Variants in AGBL3 observed in about 807,000 individuals in gnomAD.
AGBL3 encodes AGBL carboxypeptidase 3.
In AGBL3, 68 loss-of-function variants were observed where a neutral mutation model predicts 94.5. That is an observed-to-expected ratio of 0.72 (90% CI 0.59 to 0.88). The LOEUF (loss-of-function observed/expected upper bound fraction) is 0.88. AGBL3 is among the 40% of genes least tolerant of loss of function. The probability of loss-of-function intolerance (pLI) is 0.00; values close to 1 mark genes in which losing one functional copy is unlikely to be tolerated. For synonymous variants in AGBL3, 354 were observed against 370.7 expected, an observed-to-expected ratio of 0.95 and a Z score of 0.52; for missense variants, 934 against 1,103.8, an observed-to-expected ratio of 0.85 and a Z score of 2.18.
intron 12 of AGBL3, among the ~76,000 whole-genome samples, chr7:135,060,943 T>C (rs1437452204): frequency 6.6e-6 from 1 of 152,140 alleles, no homozygotes; most frequent in Non-Finnish European, 1.5e-5. Flanking sequence ...TAGATGATAG[T>C]TCTATTTTTA....
intron 15 of AGBL3, among the ~76,000 whole-genome samples, chr7:135,086,556 T>G (rs977531467): frequency 6.6e-6 from 1 of 152,088 alleles, no homozygotes. Context: ...ATGCTTTTTC[T>G]GCATATATTG....
At chr7:135,050,096 T>G (rs996702740) in intron 11 of AGBL3, among the ~76,000 whole-genome samples, 12 of 151,956 alleles carry the variant, frequency 7.9e-5, no homozygotes, top group African/African-American at 2.9e-4. Flanking sequence ...GTATGTTATG[T>G]TTTCATTTTT....
Position 134,987,948 on chromosome 7 carries a change from A to C in AGBL3, c.15A>C (p.Ser5=). The change falls in exon 2 of 17, where the codon TCA becomes TCC. Residue 5 remains serine, a synonymous_variant. Coordinates refer to ENST00000436302, the MANE Select transcript of AGBL3 (RefSeq NM_178563.4). MSED[S]EKEDYSDRTI... is the part of the protein sequence containing the mutation. ...CACTGGAAAAGATGTCAGAAGATTCAGAAAAGGAAGACTATTCAGACAGAA... is the reference window on the plus strand; with the variant it reads ...CACTGGAAAAGATGTCAGAAGATTCCGAAAAGGAAGACTATTCAGACAGAA... 6.5e-7 allele frequency: 1 copy of C among 1,548,768 alleles called. No homozygotes were observed.
At chr7:135,066,656 T>C (rs1819334502) in intron 12 of AGBL3, among the ~76,000 whole-genome samples, 1 of 152,244 alleles carries the variant, frequency 6.6e-6, no homozygotes, top group Non-Finnish European at 1.5e-5. Flanking sequence ...TAAAGAGATA[T>C]TAGCATTCCC....
intron 4 of AGBL3, among the ~76,000 whole-genome samples, chr7:134,999,437 A>C (rs950357874): frequency 6.6e-6 from 1 of 152,158 alleles, no homozygotes; most frequent in African/African-American, 2.4e-5. Flanking sequence ...CCTCAGAGGG[A>C]GTAAGAGAAA....
intron 5 of AGBL3, among the ~76,000 whole-genome samples, chr7:135,032,468 C>T (rs1815857826): frequency 7.4e-6 from 1 of 135,138 alleles, no homozygotes; most frequent in African/African-American, 2.7e-5. Flanking sequence ...CCACACCTGG[C>T]TAATTTTTTT....
chr7:135,050,135 T>C (rs540151709), intron 11 of AGBL3, among the ~76,000 whole-genome samples: 5 of 151,996 alleles, frequency 3.3e-5, no homozygotes, highest in Non-Finnish European at 7.4e-5. Context: ...TTTCCTTTTT[T>C]ATTTCTACTT....
chr7:135,066,234 A>T (rs1022741151), intron 12 of AGBL3, among the ~76,000 whole-genome samples: 52 of 152,344 alleles, frequency 3.4e-4, no homozygotes, highest in Admixed American at 2.5e-3. Context: ...ATATCTGAAC[A>T]GGGGGTAATC....
intron 15 of AGBL3, among the ~76,000 whole-genome samples, chr7:135,085,353 T>C (rs1030204766): frequency 2.0e-5 from 3 of 152,172 alleles, no homozygotes; most frequent in Non-Finnish European, 4.4e-5. Context: ...TTCAGTTTGA[T>C]AGAATTCCAT....
intron 16 of AGBL3, among the ~76,000 whole-genome samples, chr7:135,122,687 C>G (rs1042795596): frequency 2.0e-5 from 3 of 152,150 alleles, no homozygotes; most frequent in African/African-American, 7.2e-5. Flanking sequence ...GGAGCAGGCA[C>G]CCTTCTTTGC....
Position 135,045,832 on chromosome 7 carries a change from G to T in AGBL3, c.1762G>T (p.Glu588Ter). Reference sequence around the variant, plus strand: ...GTGCCTGAAAGAATTAGAAGAAATGGAAAGACATATAACCCTGGAAAAAGT... The same window carrying T: ...GTGCCTGAAAGAATTAGAAGAAATGTAAAGACATATAACCCTGGAAAAAGT... ...YRCLKELEEMERHITLEKVFE... is the reference protein window; with the variant it reads ...YRCLKELEEM The change falls in exon 11 of 17, where the codon GAA becomes TAA. Residue 588 changes from glutamate (E) to a stop codon, truncating the protein, a stop_gained. Coordinates refer to ENST00000436302, the MANE Select transcript of AGBL3 (RefSeq NM_178563.4). LOFTEE classifies it high-confidence loss of function. The T allele has an allele frequency of 6.4e-7, 1 of 1,550,656 alleles. No individual in the cohort carries two copies. The highest frequency in any genetic ancestry group is 1.2e-5 in the South Asian group (1 of 83,962).
intron 12 of AGBL3, among the ~76,000 whole-genome samples, chr7:135,067,489 C>A (rs546483086): frequency 1.5e-4 from 23 of 152,336 alleles, no homozygotes; most frequent in African/African-American, 4.8e-4. Flanking sequence ...AGGCACCCCC[C>A]AGTAGGGGCA....
intron 5 of AGBL3, among the ~76,000 whole-genome samples, 160 bp from the exon 6 acceptor site, chr7:135,032,684 C>T (rs576575339): frequency 1.3e-5 from 2 of 152,136 alleles, no homozygotes; most frequent in South Asian, 2.1e-4. Flanking sequence ...AGTCTAAATA[C>T]TCTTAGATTC....
chr7:135,111,321 C>T (rs879267668), intron 15 of AGBL3, among the ~76,000 whole-genome samples: 14 of 152,238 alleles, frequency 9.2e-5, no homozygotes, highest in African/African-American at 3.1e-4. Context: ...ATTACCTTCA[C>T]TTCCTCACTT....
intron 15 of AGBL3, among the ~76,000 whole-genome samples, chr7:135,096,251 A>G (rs1822672694): frequency 6.6e-6 from 1 of 152,126 alleles, no homozygotes; most frequent in African/African-American, 2.4e-5. Context: ...TATTGGGATC[A>G]TGTTTCCTAA....
At chr7:135,089,357 C>T (rs1423299265) in intron 15 of AGBL3, among the ~76,000 whole-genome samples, 2 of 152,132 alleles carry the variant, frequency 1.3e-5, no homozygotes, top group Non-Finnish European at 2.9e-5. Flanking sequence ...TTGTTGATTT[C>T]CTTTTCATGG....
rs138679784 is a variant in AGBL3 at position 135,054,821 on chromosome 7, A to C, written c.1842-4348A>C. ...TATTTATCAATCTGTATAGCTTCTTATTTGCTTCTCTTATTGTCTTACTCT... is the reference window on the plus strand; with the variant it reads ...TATTTATCAATCTGTATAGCTTCTTCTTTGCTTCTCTTATTGTCTTACTCT... On this transcript the variant is annotated intron_variant, in intron 11 of 16. Coordinates refer to ENST00000436302, the MANE Select transcript of AGBL3 (RefSeq NM_178563.4). Among the ~76,000 whole-genome samples, 174 of 152,302 alleles carry C rather than the reference A, an allele frequency of 1.1e-3. 1 individual carries two copies. Among genetic ancestry groups the C allele is most frequent in the Admixed American group, 2.4e-3 (36 of 15,298 alleles).
chr7:135,075,823 G>C (rs142405088), intron 12 of AGBL3, among the ~76,000 whole-genome samples: 21 of 152,296 alleles, frequency 1.4e-4, no homozygotes, highest in African/African-American at 4.8e-4. Flanking sequence ...TTCCATAACA[G>C]TTAAACGATG....
intron 15 of AGBL3, among the ~76,000 whole-genome samples, chr7:135,107,083 C>A (rs1357385608): frequency 6.6e-6 from 1 of 151,886 alleles, no homozygotes; most frequent in Non-Finnish European, 1.5e-5. Flanking sequence ...TATTGTGATT[C>A]TTTGGATCTT....
Sources: gnomAD v4.1 joint callset for allele counts (sites outside exome capture counted in the v4.1 genomes callset) on GRCh38, gnomAD v4.1.1 for gene constraint, MANE v1.5 for transcripts, NCBI Gene and HGNC (gene_info 2026-07-23, HGNC 2026-07-21) for gene names.